The following KSR2 variants were observed in gnomAD, a reference collection of about 807,000 sequenced individuals.
KSR2 encodes the protein kinase suppressor of ras 2.
In KSR2, 25 loss-of-function variants were observed where a neutral mutation model predicts 107.8. The observed-to-expected ratio is 0.23, with a 90% CI of 0.17 to 0.32. The LOEUF (loss-of-function observed/expected upper bound fraction) is 0.32, where lower values mean the gene tolerates loss of function less well. Ranked by LOEUF, KSR2 falls within the 10% of genes least tolerant of loss-of-function variation. The pLI, the probability that KSR2 is intolerant of heterozygous loss-of-function variation, is 1.00. For synonymous variants in KSR2, 480 were observed against 507.0 expected, an observed-to-expected ratio of 0.95 and a Z score of 0.71; for missense variants, 887 against 1,268.9, an observed-to-expected ratio of 0.70 and a Z score of 4.57.
intron 5 of KSR2, among the ~76,000 whole-genome samples, chr12:117,599,585 G>T (rs73407372): frequency 0.011 from 1,602 of 152,220 alleles, 31 homozygotes; most frequent in African/African-American, 0.037. Context: ...CCTGTGCATT[G>T]TAAGACAGTC....
chr12:117,811,747 A>C (rs191246739), intron 3 of KSR2, among the ~76,000 whole-genome samples: 1 of 152,368 alleles, frequency 6.6e-6, no homozygotes, highest in African/African-American at 2.4e-5. Context: ...AGATAATACC[A>C]GTTACTAATG....
intron 7 of KSR2, among the ~76,000 whole-genome samples, chr12:117,568,920 T>A (rs1878704741): frequency 1.3e-5 from 2 of 152,198 alleles, no homozygotes; most frequent in African/African-American, 4.8e-5. Flanking sequence ...AAGTTCAAGA[T>A]TCAAGCTGGT....
At chr12:117,683,901 C>T (rs1013485097) in intron 4 of KSR2, among the ~76,000 whole-genome samples, 2 of 152,238 alleles carry the variant, frequency 1.3e-5, no homozygotes, top group African/African-American at 4.8e-5. Context: ...GTAGCAGAAA[C>T]TCAGCTGCAG....
In KSR2 at chr12:117,748,430, G is replaced by A. The variant is rs577152010; in HGVS notation, c.986+12581C>T. Among the ~76,000 whole-genome samples, 87 of 152,182 alleles carry A rather than the reference G, an allele frequency of 5.7e-4. 1 individual carries two copies. The Middle Eastern group carries it at 0.027, about 48-fold the overall frequency. On this transcript the variant is annotated intron_variant, in intron 4 of 19. Transcript: ENST00000339824. ...ATACCACATATTTCAAAACCACTGA[G>A]AGTAAATTTGAAATACTCTCATCAC...
intron 5 of KSR2, among the ~76,000 whole-genome samples, chr12:117,638,175 A>G (rs1318207571): frequency 6.8e-6 from 1 of 146,532 alleles, no homozygotes; most frequent in Admixed American, 6.9e-5. Flanking sequence ...TTATTTAGAT[A>G]TATTTTGTTA....
intron 4 of KSR2, among the ~76,000 whole-genome samples, chr12:117,703,938 G>C (rs1886422176): frequency 6.6e-6 from 1 of 152,124 alleles, no homozygotes; most frequent in Non-Finnish European, 1.5e-5. Context: ...AAGGGCAAAA[G>C]CACATACCCA....
intron 14 of KSR2, among the ~76,000 whole-genome samples, chr12:117,498,191 G>T (rs2137169580): frequency 6.6e-6 from 1 of 152,258 alleles, no homozygotes; most frequent in Middle Eastern, 3.4e-3. Context: ...GCCAGGAAAA[G>T]ATGACTTAGC....
chr12:117,749,299 ACACT>A, intron 4 of KSR2, among the ~76,000 whole-genome samples: 1 of 151,472 alleles, frequency 6.6e-6, no homozygotes, highest in Non-Finnish European at 1.5e-5. Context: ...CACAGTCTCC[ACACT>A]GCTGGAGCAT....
At chr12:117,790,235 G>C (rs1215741339) in intron 3 of KSR2, among the ~76,000 whole-genome samples, 1 of 152,176 alleles carries the variant, frequency 6.6e-6, no homozygotes, top group Non-Finnish European at 1.5e-5. Flanking sequence ...TGTGCCCAAG[G>C]TGGTCAGGAT....
intron 1 of KSR2, among the ~76,000 whole-genome samples, chr12:117,923,698 T>C (rs1210765957): frequency 1.3e-5 from 2 of 152,084 alleles, no homozygotes; most frequent in African/African-American, 4.8e-5. Context: ...TGTATATGTG[T>C]ATGTGTATAT....
chr12:117,568,480 G>A (rs940223507), intron 7 of KSR2, among the ~76,000 whole-genome samples: 32 of 152,138 alleles, frequency 2.1e-4, no homozygotes, highest in Non-Finnish European at 4.4e-5. Context: ...CCCGTGTAAA[G>A]CGGTTAAAAG....
Position 117,459,384 on chromosome 12 carries a change from G to T in KSR2, c.*7815C>A, listed in dbSNP as rs900928972. 2 of 152,146 alleles carry T rather than the reference G, an allele frequency of 1.3e-5. No individual in the cohort carries two copies. The highest frequency in any genetic ancestry group is 4.8e-5 in the African/African-American group (2 of 41,404). 9.4% of individuals were successfully genotyped at this position (152,146 alleles called of 1,614,324 possible). A position where few individuals can be genotyped will look rare whatever the true frequency, so the allele number is the denominator to read the frequency against. On this transcript the variant is annotated 3_prime_UTR_variant, in exon 20 of 20. Transcript: ENST00000339824. ...AAGGAGAAGAGTGAGATAAGGGAGG[G>T]TCACTCATATCCATCTTAAGTGGTA...
chr12:117,871,700 A>G (rs968940041), intron 1 of KSR2, among the ~76,000 whole-genome samples: 6 of 97,726 alleles, frequency 6.1e-5, no homozygotes, highest in African/African-American at 1.4e-4. Flanking sequence ...ATAGATAGAT[A>G]TATATATTTG....
At chr12:117,891,671 C>T (rs764459117) in intron 1 of KSR2, among the ~76,000 whole-genome samples, 2 of 151,516 alleles carry the variant, frequency 1.3e-5, no homozygotes, top group African/African-American at 2.4e-5. Flanking sequence ...GGGATGAAAA[C>T]CAACCAACCA....
At chr12:117,511,464 C>A (rs184755236) in intron 14 of KSR2, among the ~76,000 whole-genome samples, 28 of 152,160 alleles carry the variant, frequency 1.8e-4, no homozygotes, top group African/African-American at 6.0e-4. Context: ...CCCAGTACAG[C>A]CTGGCAGGGT....
At chr12:117,891,492 C>A (rs898829049) in intron 1 of KSR2, among the ~76,000 whole-genome samples, 2 of 151,696 alleles carry the variant, frequency 1.3e-5, no homozygotes, top group Non-Finnish European at 2.9e-5. Flanking sequence ...AATCCCAGGA[C>A]TTTGGGAGGC....
At chr12:117,614,847 T>C (rs1878419) in intron 5 of KSR2, among the ~76,000 whole-genome samples, 105,655 of 152,104 alleles carry the variant, frequency 0.69, 37,770 homozygotes, top group South Asian at 0.89. Context: ...CTGAGTGTTA[T>C]CTCTCTATTA....
intron 3 of KSR2, among the ~76,000 whole-genome samples, chr12:117,845,211 G>C (rs534982401): frequency 6.6e-6 from 1 of 152,148 alleles, no homozygotes; most frequent in Non-Finnish European, 1.5e-5. Context: ...CCTTTTGCTC[G>C]ATAACAATGA....
chr12:117,839,040 C>T (rs1892357193), intron 3 of KSR2, among the ~76,000 whole-genome samples: 2 of 152,122 alleles, frequency 1.3e-5, no homozygotes, highest in Non-Finnish European at 2.9e-5. Context: ...GACTTTGGCC[C>T]GTGGGCTATA....
Sources: gnomAD v4.1 joint callset for allele counts (sites outside exome capture counted in the v4.1 genomes callset) on GRCh38, gnomAD v4.1.1 for gene constraint, MANE v1.5 for transcripts, NCBI Gene and HGNC (gene_info 2026-07-23, HGNC 2026-07-21) for gene names.